EML4: variants seen among roughly 807,000 people sequenced by gnomAD.
The protein encoded by EML4 is echinoderm microtubule-associated protein-like 4.
Under a neutral mutation model 129.0 loss-of-function variants are expected in EML4, and 72 were observed. The observed-to-expected ratio is 0.56, with a 90% CI of 0.46 to 0.68. The LOEUF is 0.68. Among genes scored for constraint, EML4 ranks in the 30% least tolerant of loss-of-function variants. The pLI, the probability that EML4 is intolerant of heterozygous loss-of-function variation, is 0.00. For synonymous variants in EML4, 532 were observed against 405.0 expected, an observed-to-expected ratio of 1.31 and a Z score of -3.77; for missense variants, 1,363 against 1,190.6, an observed-to-expected ratio of 1.14 and a Z score of -2.13.
chr2:42,272,651 A>G (rs905528024), intron 6 of EML4, among the ~76,000 whole-genome samples: 1 of 152,214 alleles, frequency 6.6e-6, no homozygotes, highest in Non-Finnish European at 1.5e-5. Context: ...AGACTGAAAA[A>G]TTTCTGGTTA....
intron 11 of EML4, among the ~76,000 whole-genome samples, chr2:42,291,513 TC>T (rs1410836631): frequency 6.6e-6 from 1 of 151,574 alleles, no homozygotes; most frequent in Non-Finnish European, 1.5e-5. Flanking sequence ...AAGTGATTCT[TC>T]CGCCTCAGCT....
intron 17 of EML4, among the ~76,000 whole-genome samples, chr2:42,308,402 C>T (rs1246287800): frequency 1.3e-5 from 2 of 151,856 alleles, no homozygotes; most frequent in Non-Finnish European, 2.9e-5. Context: ...CCCTGCTACT[C>T]GGGAGGCTGA....
intron 1 of EML4, among the ~76,000 whole-genome samples, chr2:42,214,355 A>T (rs113907757): frequency 5.3e-4 from 81 of 152,338 alleles, no homozygotes; most frequent in African/African-American, 1.9e-3. Flanking sequence ...TGTATATTTG[A>T]ATAGGCTAGG....
intron 1 of EML4, among the ~76,000 whole-genome samples, chr2:42,234,442 C>G (rs1283685985): frequency 6.6e-6 from 1 of 152,128 alleles, no homozygotes; most frequent in Non-Finnish European, 1.5e-5. Context: ...GTTCCTCTAC[C>G]CTTAAGAATT....
At chr2:42,200,452 A>G in intron 1 of EML4, among the ~76,000 whole-genome samples, 1 of 152,232 alleles carries the variant, frequency 6.6e-6, no homozygotes, top group East Asian at 1.9e-4. Flanking sequence ...TTTGGCATAA[A>G]TGCTTTTATG....
At chr2:42,194,791 G>C (rs955614105) in intron 1 of EML4, among the ~76,000 whole-genome samples, 3 of 152,134 alleles carry the variant, frequency 2.0e-5, no homozygotes, top group African/African-American at 7.2e-5. Context: ...GATTACAGGA[G>C]TGAGCCACTG....
At chr2:42,260,781 C>G (rs1418299685) in intron 3 of EML4, among the ~76,000 whole-genome samples, 1 of 152,182 alleles carries the variant, frequency 6.6e-6, no homozygotes. Context: ...ATGCTTTACA[C>G]AGATAGTCCT....
At chr2:42,283,156 G>A (rs1667103939) in intron 8 of EML4, among the ~76,000 whole-genome samples, 184 bp downstream of exon 8, 1 of 152,166 alleles carries the variant, frequency 6.6e-6, no homozygotes, top group African/African-American at 2.4e-5. Context: ...ATGGTGGTGT[G>A]GTATCAGCAG....
At chr2:42,274,899 T>C (rs1666574762) in intron 6 of EML4, among the ~76,000 whole-genome samples, 1 of 152,284 alleles carries the variant, frequency 6.6e-6, no homozygotes, top group African/African-American at 2.4e-5. Context: ...ATTTTTTGCC[T>C]AACAATCACT....
intron 7 of EML4, among the ~76,000 whole-genome samples, 175 bp downstream of exon 7, chr2:42,281,148 C>G (rs1388076587): frequency 6.6e-6 from 1 of 152,060 alleles, no homozygotes; most frequent in East Asian, 1.9e-4. Flanking sequence ...AATCCTAGCA[C>G]TTTGGGAGGC....
At chr2:42,283,019 A>G (rs1276307275) in intron 8 of EML4, 47 bp downstream of exon 8, 5 of 1,506,262 alleles carry the variant, frequency 3.3e-6, no homozygotes, top group Non-Finnish European at 3.6e-6. Flanking sequence ...TCAGGCCCTC[A>G]TTTTGTATTT....
At chr2:42,304,245 A>G (rs1668465523) in intron 16 of EML4, among the ~76,000 whole-genome samples, 1 of 151,990 alleles carries the variant, frequency 6.6e-6, no homozygotes, top group African/African-American at 2.4e-5. Context: ...TATCCTTATT[A>G]TTGTTCCACT....
chr2:42,276,026 G>C lies in EML4; in HGVS notation c.668-4824G>C, dbSNP rs114505726. On this transcript the variant is annotated intron_variant, in intron 6 of 22. Transcript: ENST00000318522. ...CATACTGACTATAAGTTTTATGATTGTAAGATCAAGAAGCCCGAGAATCTC... is the reference window on the plus strand; with the variant it reads ...CATACTGACTATAAGTTTTATGATTCTAAGATCAAGAAGCCCGAGAATCTC... Among the ~76,000 whole-genome samples, 902 of 152,220 alleles carry C rather than the reference G, an allele frequency of 5.9e-3. 6 individuals carry two copies. The highest frequency in any genetic ancestry group is 9.7e-3 in the Non-Finnish European group (660 of 68,022).
intron 17 of EML4, among the ~76,000 whole-genome samples, chr2:42,307,715 A>G (rs1668690283): frequency 6.6e-6 from 1 of 152,188 alleles, no homozygotes; most frequent in African/African-American, 2.4e-5. Context: ...GTGCAATGGC[A>G]TGATCCCAGT....
chr2:42,319,280 A>G (rs530087889), intron 19 of EML4, among the ~76,000 whole-genome samples: 36 of 152,216 alleles, frequency 2.4e-4, no homozygotes, highest in Non-Finnish European at 4.4e-4. Context: ...TTACTGTACA[A>G]CTGATCCAGA....
At chr2:42,304,590 G>A (rs375619514) in intron 17 of EML4, 39 bp downstream of exon 17, 1 of 1,481,558 alleles carries the variant, frequency 6.7e-7, no homozygotes, top group African/African-American at 1.4e-5. Context: ...TGAAGTGGTG[G>A]GATGTTTAAA....
rs375160403 is a variant in EML4, at chr2:42,332,494, GC to G, written c.*2288del. On this transcript the variant is annotated 3_prime_UTR_variant, in exon 23 of 23. Transcript: ENST00000318522. ...TGCTATCATGCATTCCTGTCTCATG[GC>G]AGAAAATTTTGAAGATTAAAAAATA... 25 of 189,274 alleles carry G rather than the reference GC, an allele frequency of 1.3e-4. 1 individual carries two copies. In the South Asian group the frequency reaches 4.9e-3, roughly 37 times the overall value. 11.7% of individuals were successfully genotyped at this position (189,274 alleles called of 1,614,324 possible).
At chr2:42,222,360 T>C (rs906671325) in intron 1 of EML4, among the ~76,000 whole-genome samples, 10 of 152,122 alleles carry the variant, frequency 6.6e-5, no homozygotes, top group Non-Finnish European at 1.3e-4. Flanking sequence ...CCAAAAATGG[T>C]TTTTATATTT....
chr2:42,331,622 A>T lies in EML4; in HGVS notation c.*1415A>T. On this transcript the variant is annotated 3_prime_UTR_variant, in exon 23 of 23. Coordinates refer to ENST00000318522, the MANE Select transcript of EML4 (RefSeq NM_019063.5). ...TTGGATGAGTTAAGAAGTCTTAAGT[A>T]TGCAGGCGTTTACGTGATTGTGCCA... The T allele has an allele frequency of 4.5e-6, 1 of 224,446 alleles. No homozygotes were observed. 13.9% of individuals were successfully genotyped at this position (224,446 alleles called of 1,614,324 possible). A position where few individuals can be genotyped will look rare whatever the true frequency, so the allele number is the denominator to read the frequency against.
Sources: gnomAD v4.1 joint callset for allele counts (sites outside exome capture counted in the v4.1 genomes callset) on GRCh38, gnomAD v4.1.1 for gene constraint, MANE v1.5 for transcripts, NCBI Gene and HGNC (gene_info 2026-07-23, HGNC 2026-07-21) for gene names.